Variants in SNX17 observed in about 807,000 individuals in gnomAD.
SNX17 encodes sorting nexin 17, also known as sorting nexin-17.
Under a neutral mutation model 64.3 loss-of-function variants are expected in SNX17, and 35 were observed. The ratio of observed to expected loss-of-function variants is 0.54; its 90% CI spans 0.42 to 0.72. The LOEUF (loss-of-function observed/expected upper bound fraction) is 0.72, where lower values mean the gene tolerates loss of function less well. SNX17 is among the 30% of genes least tolerant of loss of function. The pLI, the probability that SNX17 is intolerant of heterozygous loss-of-function variation, is 0.00. For synonymous variants in SNX17, 259 were observed against 230.2 expected, an observed-to-expected ratio of 1.13 and a Z score of -1.13; for missense variants, 538 against 610.0, an observed-to-expected ratio of 0.88 and a Z score of 1.24.
intron 8 of SNX17, 37 bp downstream of exon 8, chr2:27,374,795 G>GA (rs768896841): frequency 1.3e-6 from 2 of 1,586,096 alleles, no homozygotes; most frequent in Non-Finnish European, 1.7e-6. Flanking sequence ...TTCCCCTGAA[G>GA]AAAATAACGG....
intron 4 of SNX17, 153 bp downstream of exon 4, chr2:27,373,464 G>A: frequency 2.8e-6 from 2 of 714,806 alleles, no homozygotes; most frequent in South Asian, 3.5e-5. Flanking sequence ...CCGGATTCAA[G>A]CGATTCTCCT....
rs750348034 is a variant in SNX17, at chr2:27,377,463, CTG to C, written c.*749_*750del. ...TGGTCCTTATAGTGCCTACGTTAGT[CTG>C]TGTGGAGCCCCTGGCCAGCGGGGGA... On this transcript the variant is annotated 3_prime_UTR_variant, in exon 15 of 15. Coordinates refer to ENST00000233575, the MANE Select transcript of SNX17 (RefSeq NM_014748.4). This position sits in a 1 kb window ranked among gnomAD's most constrained non-coding sequence, Gnocchi z 4.4. 6 of 1,479,528 alleles carry C rather than the reference CTG, an allele frequency of 4.1e-6. No individual in the cohort carries two copies. Among genetic ancestry groups the C allele is most frequent in the Admixed American group, 1.7e-5 (1 of 57,998 alleles). The allele number at this position is 1,479,528 out of a possible 1,614,324, so 91.7% of individuals were successfully genotyped here.
At chr2:27,371,216 G>C in intron 1 of SNX17, 53 bp from the exon 2 acceptor site, 3 of 1,531,790 alleles carry the variant, frequency 2.0e-6, no homozygotes, top group South Asian at 1.1e-5. Flanking sequence ...GGGTTCTCAG[G>C]GGGGTTGCGC....
In SNX17 at chr2:27,370,642, G is replaced by A; in HGVS notation, c.-102G>A. 1 of 1,461,192 alleles carries A rather than the reference G, an allele frequency of 6.8e-7. No individual in the cohort carries two copies. The highest frequency in any genetic ancestry group is 9.1e-7 in the Non-Finnish European group (1 of 1,104,862). 90.5% of individuals were successfully genotyped at this position (1,461,192 alleles called of 1,614,324 possible). A position where few individuals can be genotyped will look rare whatever the true frequency, so the allele number is the denominator to read the frequency against. Reference sequence around the variant, plus strand: ...ATCGGATCGCAGGGCTCCCAAAATGGCGAGTGAGGCTGCGGGGACTCGCTG... The same window carrying A: ...ATCGGATCGCAGGGCTCCCAAAATGACGAGTGAGGCTGCGGGGACTCGCTG... On this transcript the variant is annotated 5_prime_UTR_variant, in exon 1 of 15. Coordinates refer to ENST00000233575, the MANE Select transcript of SNX17 (RefSeq NM_014748.4).
intron 2 of SNX17, 163 bp from the exon 3 acceptor site, chr2:27,372,460 G>A (rs1243006259): frequency 2.6e-6 from 1 of 390,136 alleles, no homozygotes; most frequent in Non-Finnish European, 3.5e-6. Flanking sequence ...CCCTTGAGGT[G>A]CTACCGCTGT....
At position 27,377,357 on chromosome 2, in the gene SNX17, C is replaced by T; in HGVS notation, c.*638C>T. 2.8e-6 allele frequency: 2 copies of T among 723,702 alleles called. No homozygotes were observed. The highest frequency in any genetic ancestry group is 2.0e-5 in the Admixed American group (1 of 49,994). 44.8% of individuals were successfully genotyped at this position (723,702 alleles called of 1,614,324 possible). On this transcript the variant is annotated 3_prime_UTR_variant, in exon 15 of 15. Coordinates refer to ENST00000233575, the MANE Select transcript of SNX17 (RefSeq NM_014748.4). The surrounding 1 kb of genome is among the most constrained non-coding windows in gnomAD (Gnocchi z 4.4). ...GGGCAGTGGAGGTGAATACAGGGCC[C>T]TTCTCACTGAGCTCGTGAAGTGCCT...
At chr2:27,376,446 G>T (rs764094078) in intron 13 of SNX17, 33 bp from the exon 14 acceptor site, 1 of 1,613,868 alleles carries the variant, frequency 6.2e-7, no homozygotes, top group Admixed American at 1.7e-5. Context: ...CTCTCCTAGT[G>T]AGTTTCTGAC....
chr2:27,372,824 G>C (rs567555306), intron 3 of SNX17, 84 bp downstream of exon 3: 2 of 1,546,122 alleles, frequency 1.3e-6, no homozygotes, highest in South Asian at 2.3e-5. Context: ...GGAAGGGCCT[G>C]ATTTAATTTC....
At chr2:27,372,335 G>A (rs558678815) in intron 2 of SNX17, among the ~76,000 whole-genome samples, 4 of 152,310 alleles carry the variant, frequency 2.6e-5, no homozygotes, top group African/African-American at 9.6e-5. Context: ...GAACAGTCTT[G>A]CTAGGTGGTC....
Position 27,371,338 on chromosome 2 carries a change from G to A in SNX17, c.133G>A (p.Glu45Lys). 6.2e-7 allele frequency: 1 copy of A among 1,611,594 alleles called. No individual in the cohort carries two copies. Among genetic ancestry groups the A allele is most frequent in the Non-Finnish European group, 8.5e-7 (1 of 1,179,702 alleles). Residue 45 changes from glutamate (E) to lysine (K), a missense_variant, in exon 2 of 15, where the codon GAG becomes AAG. By Grantham distance (56) the Glu-to-Lys change is moderately conservative (BLOSUM62 1). Coordinates refer to ENST00000233575, the MANE Select transcript of SNX17 (RefSeq NM_014748.4). ...CTACAGCCAGCTCCTGGGGCTGCACGAGCAGGTGGGACTAGCACCCCTGCC... is the reference window on the plus strand; with the variant it reads ...CTACAGCCAGCTCCTGGGGCTGCACAAGCAGGTGGGACTAGCACCCCTGCC... ...VRYSQLLGLH[E>K]QLRKEYGANV...
At chr2:27,373,796 A>C in intron 4 of SNX17, 65 bp from the exon 5 acceptor site, 1 of 1,107,520 alleles carries the variant, frequency 9.0e-7, no homozygotes, top group Non-Finnish European at 1.4e-6. Flanking sequence ...CTAGAAATAG[A>C]GTTGGGCATA....
At chr2:27,370,837 G>A in intron 1 of SNX17, 31 bp downstream of exon 1, 1 of 1,532,510 alleles carries the variant, frequency 6.5e-7, no homozygotes, top group Non-Finnish European at 8.8e-7. Context: ...AGCCGGGCCG[G>A]GCAGGGGCGG....
chr2:27,375,729 G>T lies in SNX17; in HGVS notation c.978+20G>T, dbSNP rs1463873478. The T allele has an allele frequency of 1.2e-6, 2 of 1,613,430 alleles. No individual in the cohort carries two copies. Among genetic ancestry groups the T allele is most frequent in the South Asian group, 1.1e-5 (1 of 91,070 alleles). On this transcript the variant is annotated intron_variant, in intron 10 of 14. Transcript: ENST00000233575. The surrounding 1 kb of genome is among the most constrained non-coding windows in gnomAD (Gnocchi z 4.1). ...TCCTCTGTGAGTCGGGTTAGGAGGG[G>T]GAAGGGCCTGGGTTGGGGGCCCGGC...
At chr2:27,373,161 G>A (rs1272311802) in intron 3 of SNX17, 86 bp from the exon 4 acceptor site, 3 of 1,608,556 alleles carry the variant, frequency 1.9e-6, no homozygotes, top group Non-Finnish European at 2.6e-6. Context: ...CCCAGGAAAT[G>A]GGGTCGGGGG....
intron 1 of SNX17, 120 bp downstream of exon 1, chr2:27,370,926 C>A (rs1682426857): frequency 9.0e-7 from 1 of 1,105,360 alleles, no homozygotes; most frequent in Non-Finnish European, 1.3e-6. Context: ...GGGCCGCCGA[C>A]TCCCGACGGC....
In SNX17 at chr2:27,372,717, A is replaced by T. The variant is rs1232630954; in HGVS notation, c.233A>T (p.Gln78Leu). 7 of 1,614,114 alleles carry T rather than the reference A, an allele frequency of 4.3e-6. No individual in the cohort carries two copies. In the Admixed American group the frequency reaches 1.2e-4, roughly 27 times the overall value. The change falls in exon 3 of 15, where the codon CAG becomes CTG. Residue 78 changes from glutamine (Q) to leucine (L), a missense_variant. Transcript: ENST00000233575. ...TPAEVEQRRE[Q>L]LEKYMQAVRQ... The stretch of plus-strand genomic sequence containing the variant: ...GCTGAGGTAGAACAGAGGAGAGAGC[A>T]GTTAGAGAAGTACATGCAAGCTGGT...
chr2:27,373,698 T>C (rs1481554719), intron 4 of SNX17, among the ~76,000 whole-genome samples, 163 bp from the exon 5 acceptor site: 1 of 152,226 alleles, frequency 6.6e-6, no homozygotes, highest in Non-Finnish European at 1.5e-5. Flanking sequence ...GAGTCATCTT[T>C]TTTAATGGAA....
chr2:27,375,679 C>T lies in SNX17; in HGVS notation c.948C>T (p.Thr316=). The T allele has an allele frequency of 1.2e-6, 2 of 1,614,150 alleles. No homozygotes were observed. The highest frequency in any genetic ancestry group is 1.7e-6 in the Non-Finnish European group (2 of 1,180,036). Residue 316 remains threonine, a synonymous_variant, in exon 10 of 15, where the codon ACC becomes ACT. Coordinates refer to ENST00000233575, the MANE Select transcript of SNX17 (RefSeq NM_014748.4). The surrounding 1 kb of genome is among the most constrained non-coding windows in gnomAD (Gnocchi z 4.1). The stretch of plus-strand genomic sequence containing the variant: ...TCCGAGAAGGCTCCTTCCGGGTCAC[C>T]CGCATGCGATGCTGGCGGGTCACCT... The part of the protein sequence containing the change: ...QQLREGSFRV[T]RMRCWRVTSS...
chr2:27,376,772 G>A lies in SNX17; in HGVS notation c.*53G>A, dbSNP rs1405938067. 4.9e-5 allele frequency: 73 copies of A among 1,492,138 alleles called. No individual in the cohort carries two copies. The allele number at this position is 1,492,138 out of a possible 1,614,324, so 92.4% of individuals were successfully genotyped here. A position where few individuals can be genotyped will look rare whatever the true frequency, so the allele number is the denominator to read the frequency against. On this transcript the variant is annotated 3_prime_UTR_variant, in exon 15 of 15. Transcript: ENST00000233575. ...ACCCCAGAGGAATTTACAGAAACTT[G>A]CCCTGTGCCTGTGTCCCCCATGCTA...
Sources: allele counts gnomAD v4.1 joint callset (sites outside exome capture counted in the v4.1 genomes callset), GRCh38; gene constraint gnomAD v4.1.1; non-coding constraint Gnocchi (gnomAD v3.1); transcripts MANE v1.5; gene names NCBI Gene and HGNC (gene_info 2026-07-23, HGNC 2026-07-21).